Variants in ATP8A2 observed in about 807,000 individuals in gnomAD.
ATP8A2 encodes ATPase phospholipid transporting 8A2.
ATP8A2 carries 100 observed loss-of-function variants against 165.6 expected under a neutral mutation model. That is an observed-to-expected ratio of 0.60 (90% CI 0.51 to 0.71). The LOEUF (loss-of-function observed/expected upper bound fraction) is 0.71, where lower values mean the gene tolerates loss of function less well. Among genes scored for constraint, ATP8A2 ranks in the 30% least tolerant of loss-of-function variants. ATP8A2 has a pLI of 0.00. For missense variants in ATP8A2, 1,227 were observed against 1,479.5 expected (o/e 0.83, Z 2.80); for synonymous variants, 543 against 548.8 (o/e 0.99, Z 0.15).
intron 2 of ATP8A2, among the ~76,000 whole-genome samples, chr13:25,528,819 T>C (rs569940817): frequency 4.0e-5 from 3 of 75,304 alleles, no homozygotes; most frequent in African/African-American, 1.3e-4. Context: ...AACATGTGTA[T>C]GCACACATAT....
intron 27 of ATP8A2, among the ~76,000 whole-genome samples, chr13:25,793,132 G>C (rs2045225322): frequency 6.6e-6 from 1 of 152,134 alleles, no homozygotes; most frequent in African/African-American, 2.4e-5. Flanking sequence ...AGAAACAAAG[G>C]GATTTTCACA....
At chr13:25,424,019 A>T (rs1461512356) in intron 1 of ATP8A2, among the ~76,000 whole-genome samples, 1 of 152,138 alleles carries the variant, frequency 6.6e-6, no homozygotes, top group Admixed American at 6.5e-5. Context: ...CAGGTGGCAG[A>T]TGGGGAGGGC....
At position 25,960,174 on chromosome 13, in the gene ATP8A2, G is replaced by T. The variant is rs564690113; in HGVS notation, c.3184-1401G>T. Among the ~76,000 whole-genome samples, 15 of 152,348 alleles carry T rather than the reference G, an allele frequency of 9.8e-5. No homozygotes were observed. In the South Asian group the frequency reaches 2.9e-3, roughly 29 times the overall value. ...CTTGGGATCAGGGTAAGCGGGTGGG[G>T]ATGCTGTGAGTATAGACGCTGGGCA... On this transcript the variant is annotated intron_variant, in intron 33 of 36. Transcript: ENST00000381655.
At chr13:25,814,261 C>A (rs180856301) in intron 27 of ATP8A2, among the ~76,000 whole-genome samples, 6 of 152,118 alleles carry the variant, frequency 3.9e-5, no homozygotes, top group African/African-American at 4.8e-5. Context: ...GAAATTATAT[C>A]TTTTACAACT....
chr13:25,803,630 C>G (rs1221282721), intron 27 of ATP8A2, among the ~76,000 whole-genome samples: 1 of 152,174 alleles, frequency 6.6e-6, no homozygotes, highest in East Asian at 1.9e-4. Flanking sequence ...ATGCCACATC[C>G]CTCTTCCCCA....
At chr13:25,983,272 AC>A (rs1428761614) in intron 35 of ATP8A2, among the ~76,000 whole-genome samples, 1 of 152,240 alleles carries the variant, frequency 6.6e-6, no homozygotes, top group Non-Finnish European at 1.5e-5. Flanking sequence ...ACCATGAAGA[AC>A]AACAACAAAA....
intron 11 of ATP8A2, among the ~76,000 whole-genome samples, chr13:25,553,057 T>C (rs772582192): frequency 6.6e-6 from 1 of 152,052 alleles, no homozygotes; most frequent in Non-Finnish European, 1.5e-5. Context: ...TTAATATCAG[T>C]TAAACGCTGT....
At chr13:25,487,938 G>A (rs2036403676) in intron 2 of ATP8A2, among the ~76,000 whole-genome samples, 2 of 151,970 alleles carry the variant, frequency 1.3e-5, no homozygotes, top group Admixed American at 6.6e-5. Context: ...GGCTCTACCA[G>A]GGACCAAGTG....
chr13:25,836,169 TG>T, intron 28 of ATP8A2, among the ~76,000 whole-genome samples: 1 of 31,602 alleles, frequency 3.2e-5, no homozygotes, highest in Admixed American at 4.5e-4. Flanking sequence ...TCCTGTTTTT[TG>T]TTTGTTTGTT....
chr13:25,768,294 A>T (rs2044539325), intron 25 of ATP8A2, among the ~76,000 whole-genome samples: 2 of 152,068 alleles, frequency 1.3e-5, no homozygotes, highest in African/African-American at 4.8e-5. Flanking sequence ...ACAGATTTAT[A>T]CTGGCTCCTC....
chr13:25,441,455 T>C (rs1219301149), intron 1 of ATP8A2, among the ~76,000 whole-genome samples: 1 of 152,170 alleles, frequency 6.6e-6, no homozygotes, highest in East Asian at 1.9e-4. Context: ...ATCCATGTCA[T>C]GAGAGGAAGG....
chr13:25,762,378 T>C (rs537961314), intron 25 of ATP8A2, among the ~76,000 whole-genome samples: 1 of 150,420 alleles, frequency 6.6e-6, no homozygotes, highest in East Asian at 2.0e-4. Flanking sequence ...GTCAGGAAGT[T>C]TGCAAACGAT....
chr13:26,004,161 C>T (rs984877693), intron 35 of ATP8A2, among the ~76,000 whole-genome samples: 5 of 151,956 alleles, frequency 3.3e-5, no homozygotes, highest in Non-Finnish European at 5.9e-5. Context: ...AGCATAGCAT[C>T]CCATTTACTT....
intron 27 of ATP8A2, among the ~76,000 whole-genome samples, chr13:25,777,404 A>G (rs2044766831): frequency 6.6e-6 from 1 of 152,244 alleles, no homozygotes; most frequent in African/African-American, 2.4e-5. Flanking sequence ...TGTGTTGTGA[A>G]CTGTAAGATC....
intron 2 of ATP8A2, among the ~76,000 whole-genome samples, chr13:25,477,598 G>A (rs879620840): frequency 7.2e-5 from 11 of 152,178 alleles, no homozygotes; most frequent in Non-Finnish European, 1.6e-4. Flanking sequence ...GAAACTGGAC[G>A]AAGGATAGAT....
intron 27 of ATP8A2, among the ~76,000 whole-genome samples, chr13:25,793,162 C>A (rs1305566890): frequency 6.6e-6 from 1 of 152,194 alleles, no homozygotes; most frequent in Non-Finnish European, 1.5e-5. Flanking sequence ...GCAATTCCAA[C>A]ATCTGCCTTG....
intron 24 of ATP8A2, among the ~76,000 whole-genome samples, chr13:25,657,130 T>C (rs1292278880): frequency 7.0e-6 from 1 of 142,750 alleles, no homozygotes. Context: ...TCCAGGGGAG[T>C]TGGGGAAAAG....
intron 35 of ATP8A2, among the ~76,000 whole-genome samples, chr13:25,999,630 C>T (rs183286857): frequency 5.1e-4 from 77 of 152,218 alleles, no homozygotes; most frequent in African/African-American, 1.7e-3. Context: ...AGTGTCTGCA[C>T]GGCGAGGTCA....
At position 25,750,697 on chromosome 13, in the gene ATP8A2, T is replaced by C. The variant is rs975143900; in HGVS notation, c.2385-18349T>C. On this transcript the variant is annotated intron_variant, in intron 25 of 36. Transcript: ENST00000381655. This position sits in a 1 kb window ranked among gnomAD's most constrained non-coding sequence, Gnocchi z 4.3. ...GGCAGGTACCTCATATGTGTAGTTT[T>C]GGCATCGAGTTTATACGAGCACATG... 6.6e-6 allele frequency among the ~76,000 whole-genome samples: 1 copy of C among 152,156 alleles called. No homozygotes were observed. The highest frequency in any genetic ancestry group is 1.9e-4 in the East Asian group (1 of 5,186).
Sources: allele counts gnomAD v4.1 joint callset (sites outside exome capture counted in the v4.1 genomes callset), GRCh38; gene constraint gnomAD v4.1.1; non-coding constraint Gnocchi (gnomAD v3.1); transcripts MANE v1.5; gene names NCBI Gene and HGNC (gene_info 2026-07-23, HGNC 2026-07-21).